JPH3: variants seen among roughly 807,000 people sequenced by gnomAD.
The protein encoded by JPH3 is junctophilin 3, also known as junctophilin-3.
Under a neutral mutation model 59.6 loss-of-function variants are expected in JPH3, and 11 were observed. The observed-to-expected ratio is 0.18, with a 90% confidence interval of 0.12 to 0.31. The LOEUF (loss-of-function observed/expected upper bound fraction) is 0.31, where lower values mean the gene tolerates loss of function less well. JPH3 is among the 10% of genes least tolerant of loss of function. The pLI is 1.00. For missense variants in JPH3, 1,202 were observed against 1,105.7 expected (o/e 1.09, Z -1.24); for synonymous variants, 673 against 483.6 (o/e 1.39, Z -5.14).
Position 87,684,282 on chromosome 16 carries a change from C to G in JPH3, c.1285+16C>G. 1.2e-6 allele frequency: 2 copies of G among 1,613,258 alleles called. No individual in the cohort carries two copies. Among genetic ancestry groups the G allele is most frequent in the Non-Finnish European group, 8.5e-7 (1 of 1,179,634 alleles). ...CGGGAAAACGGTGAGTCTCGCCGGG[C>G]CTGATACTGGCATCGTGGGGAGGGG... is the stretch of plus-strand genomic sequence containing the variant. On this transcript the variant is annotated intron_variant, in intron 3 of 4. Transcript: ENST00000284262.
At chr16:87,677,424 A>G (rs1198320917) in intron 2 of JPH3, among the ~76,000 whole-genome samples, 1 of 152,116 alleles carries the variant, frequency 6.6e-6, no homozygotes, top group African/African-American at 2.4e-5. Context: ...AAAGCTGCTA[A>G]AAAAAACTCG....
At chr16:87,675,689 C>T (rs72810180) in intron 2 of JPH3, among the ~76,000 whole-genome samples, 1 of 152,202 alleles carries the variant, frequency 6.6e-6, no homozygotes, top group Non-Finnish European at 1.5e-5. Flanking sequence ...TTTCTGTTAA[C>T]TCAAAAAGGG....
At chr16:87,605,071 C>A in intron 1 of JPH3, 1 of 401,012 alleles carries the variant, frequency 2.5e-6, no homozygotes, top group Non-Finnish European at 5.1e-6. Flanking sequence ...GCGCTTCCAG[C>A]TGGGCTGTTT....
chr16:87,665,148 C>T (rs59958066), intron 2 of JPH3, among the ~76,000 whole-genome samples: 9,395 of 152,182 alleles, frequency 0.062, 1,007 homozygotes, highest in African/African-American at 0.21. Context: ...TGGGGGAGAT[C>T]ACTGGCCTGC....
At chr16:87,628,900 T>G (rs934047050) in intron 1 of JPH3, among the ~76,000 whole-genome samples, 3 of 151,698 alleles carry the variant, frequency 2.0e-5, no homozygotes, top group African/African-American at 7.3e-5. Flanking sequence ...GTGGACAGAG[T>G]GTCAGGTAGG....
chr16:87,622,951 G>A (rs529384121), intron 1 of JPH3, among the ~76,000 whole-genome samples: 1 of 152,262 alleles, frequency 6.6e-6, no homozygotes, highest in African/African-American at 2.4e-5. Flanking sequence ...TGCCTTCTCT[G>A]CGATGGCCGC....
chr16:87,627,077 C>T (rs759883308), intron 1 of JPH3, among the ~76,000 whole-genome samples: 3 of 152,278 alleles, frequency 2.0e-5, no homozygotes, highest in Non-Finnish European at 4.4e-5. Flanking sequence ...CCCGGGCCTG[C>T]CCCAGCCCCG....
chr16:87,641,918 ATGCCGCGGG>A (rs1336412742), intron 1 of JPH3, among the ~76,000 whole-genome samples: 1 of 152,090 alleles, frequency 6.6e-6, no homozygotes, highest in Admixed American at 6.5e-5. Flanking sequence ...CTGAGTCTGG[ATGCCGCGGG>A]TGCCGGGCAT....
intron 1 of JPH3, chr16:87,604,998 C>A (rs2030463250): frequency 2.2e-6 from 1 of 448,774 alleles, no homozygotes; most frequent in African/African-American, 2.0e-5. Flanking sequence ...TGTGTGCGCG[C>A]GCGTGCAGGC....
At chr16:87,658,572 C>G (rs750915490) in intron 2 of JPH3, among the ~76,000 whole-genome samples, 3 of 152,172 alleles carry the variant, frequency 2.0e-5, no homozygotes, top group Non-Finnish European at 4.4e-5. Context: ...CCCTGTTTCT[C>G]TATCTCTTCA....
intron 4 of JPH3, chr16:87,695,613 G>C (rs1009490444): frequency 2.2e-6 from 1 of 455,888 alleles, no homozygotes; most frequent in African/African-American, 2.0e-5. Context: ...AGCCATTCCT[G>C]GGCTGGGGCC....
At chr16:87,634,138 G>C (rs746822213) in intron 1 of JPH3, among the ~76,000 whole-genome samples, 22 of 152,204 alleles carry the variant, frequency 1.4e-4, no homozygotes, top group Non-Finnish European at 2.9e-4. Flanking sequence ...GCCACCCGTG[G>C]AGAAAGCCCT....
intron 1 of JPH3, among the ~76,000 whole-genome samples, chr16:87,625,137 G>A (rs764248025): frequency 3.3e-5 from 5 of 152,158 alleles, no homozygotes; most frequent in Non-Finnish European, 5.9e-5. Flanking sequence ...CTCACTCTGT[G>A]AGCCAGCACA....
intron 2 of JPH3, among the ~76,000 whole-genome samples, chr16:87,650,524 G>A (rs1031631921): frequency 7.2e-5 from 11 of 152,206 alleles, no homozygotes; most frequent in African/African-American, 2.2e-4. Flanking sequence ...ATGATAAAGC[G>A]TAGAGAGGAA....
At chr16:87,663,679 G>A (rs553509884) in intron 2 of JPH3, among the ~76,000 whole-genome samples, 54 of 152,134 alleles carry the variant, frequency 3.5e-4, no homozygotes, top group Non-Finnish European at 6.3e-4. Flanking sequence ...CCCCATCCTC[G>A]TCAGGGCACA....
At chr16:87,676,601 G>A (rs1025539901) in intron 2 of JPH3, among the ~76,000 whole-genome samples, 6 of 151,910 alleles carry the variant, frequency 3.9e-5, no homozygotes, top group Admixed American at 6.6e-5. Flanking sequence ...AGGCATGGTG[G>A]TGCGCGCCTG....
intron 1 of JPH3, among the ~76,000 whole-genome samples, chr16:87,633,379 G>C (rs2031626822): frequency 6.6e-6 from 1 of 151,038 alleles, no homozygotes; most frequent in Non-Finnish European, 1.5e-5. Flanking sequence ...GATGCCGGGG[G>C]TGGGGGTGGG....
At chr16:87,617,391 C>T (rs982761289) in intron 1 of JPH3, among the ~76,000 whole-genome samples, 2 of 139,620 alleles carry the variant, frequency 1.4e-5, no homozygotes, top group African/African-American at 4.9e-5. Context: ...AAGCTGCTGC[C>T]AACTCTCAGG....
intron 2 of JPH3, among the ~76,000 whole-genome samples, chr16:87,671,323 G>A (rs977294191): frequency 6.6e-6 from 1 of 152,156 alleles, no homozygotes; most frequent in Non-Finnish European, 1.5e-5. Context: ...AGGCCCACAC[G>A]CCACCACTGC....
Sources: allele counts gnomAD v4.1 joint callset (sites outside exome capture counted in the v4.1 genomes callset), GRCh38; gene constraint gnomAD v4.1.1; transcripts MANE v1.5; gene names NCBI Gene and HGNC (gene_info 2026-07-23, HGNC 2026-07-21).